Variants in SAMSN1 observed in about 807,000 individuals in gnomAD.
SAMSN1 encodes SAM domain, SH3 domain and nuclear localization signals 1.
SAMSN1 carries 31 observed loss-of-function variants against 42.0 expected under a neutral mutation model. The ratio of observed to expected loss-of-function variants is 0.74; its 90% CI spans 0.55 to 1.00. SAMSN1 has a LOEUF of 1.00. Among genes scored for constraint, SAMSN1 ranks in the 50% least tolerant of loss-of-function variants. The pLI, the probability that SAMSN1 is intolerant of heterozygous loss-of-function variation, is 0.00. For missense variants in SAMSN1, 464 were observed against 439.4 expected, an observed-to-expected ratio of 1.06 and a Z score of -0.50; for synonymous variants, 178 against 151.9, an observed-to-expected ratio of 1.17 and a Z score of -1.26.
At chr21:14,645,467 C>G (rs564093469) in intron 1 of SAMSN1, among the ~76,000 whole-genome samples, 3 of 152,236 alleles carry the variant, frequency 2.0e-5, no homozygotes, top group Non-Finnish European at 4.4e-5. Flanking sequence ...CTTGGGATAT[C>G]CCCTAAAGCA....
intron 1 of SAMSN1, among the ~76,000 whole-genome samples, chr21:14,531,572 T>G (rs1377334721): frequency 6.6e-6 from 1 of 152,092 alleles, no homozygotes; most frequent in Non-Finnish European, 1.5e-5. Context: ...GCCCCAAAAC[T>G]TTTAAACATA....
At chr21:14,564,706 C>T (rs1568810505) in intron 2 of SAMSN1, among the ~76,000 whole-genome samples, 1 of 152,188 alleles carries the variant, frequency 6.6e-6, no homozygotes, top group Non-Finnish European at 1.5e-5. Context: ...TATCCTATCC[C>T]TCCTTCTCTT....
intron 5 of SAMSN1, among the ~76,000 whole-genome samples, chr21:14,508,972 A>G (rs1987550375): frequency 6.6e-6 from 1 of 152,022 alleles, no homozygotes; most frequent in Non-Finnish European, 1.5e-5. Context: ...TACTAAAAAT[A>G]CAAAAATTAG....
At chr21:14,566,436 C>T (rs1981119168) in intron 2 of SAMSN1, among the ~76,000 whole-genome samples, 1 of 152,090 alleles carries the variant, frequency 6.6e-6, no homozygotes, top group Admixed American at 6.6e-5. Context: ...TCATATAAGA[C>T]TACCACCATA....
chr21:14,600,527 G>T (rs938204936), intron 6 of SAMSN1, among the ~76,000 whole-genome samples: 12 of 152,124 alleles, frequency 7.9e-5, no homozygotes, highest in African/African-American at 2.9e-4. Flanking sequence ...TTACCATTTG[G>T]AAGCACCATT....
At chr21:14,506,509 C>T (rs56229422) in intron 5 of SAMSN1, among the ~76,000 whole-genome samples, 160 of 152,082 alleles carry the variant, frequency 1.1e-3, no homozygotes, top group Non-Finnish European at 2.0e-3. Flanking sequence ...ATTAGATACC[C>T]GGAATAGACC....
At chr21:14,650,336 T>A (rs1568843708) in intron 1 of SAMSN1, among the ~76,000 whole-genome samples, 1 of 152,128 alleles carries the variant, frequency 6.6e-6, no homozygotes, top group Non-Finnish European at 1.5e-5. Flanking sequence ...ATATCAAGCA[T>A]CTTCTCTTAC....
intron 2 of SAMSN1, among the ~76,000 whole-genome samples, chr21:14,636,430 AACAGG>A (rs544652095): frequency 1.2e-3 from 181 of 152,176 alleles, no homozygotes; most frequent in African/African-American, 4.1e-3. Flanking sequence ...GAGACCAAAA[AACAGG>A]ACTACTACTT....
At chr21:14,492,653 G>A (rs1986742675) in intron 7 of SAMSN1, among the ~76,000 whole-genome samples, 1 of 152,122 alleles carries the variant, frequency 6.6e-6, no homozygotes, top group Non-Finnish European at 1.5e-5. Flanking sequence ...AAAAATCTGT[G>A]AACACTTTTC....
chr21:14,606,248 A>G (rs1376486825), intron 5 of SAMSN1, among the ~76,000 whole-genome samples: 1 of 152,176 alleles, frequency 6.6e-6, no homozygotes, highest in East Asian at 1.9e-4. Context: ...TTCCCTTACT[A>G]ACATATGCCA....
intron 1 of SAMSN1, among the ~76,000 whole-genome samples, chr21:14,658,436 C>A (rs1471694351): frequency 1.3e-5 from 2 of 151,828 alleles, no homozygotes; most frequent in Non-Finnish European, 2.9e-5. Flanking sequence ...AAAATTTTGT[C>A]TCATAACAAA....
intron 1 of SAMSN1, among the ~76,000 whole-genome samples, chr21:14,643,474 A>T (rs1179836880): frequency 6.6e-6 from 1 of 152,214 alleles, no homozygotes; most frequent in Admixed American, 6.5e-5. Context: ...TGAGACACCA[A>T]TAAACTGTGT....
At chr21:14,592,200 A>G (rs1377959960) in intron 7 of SAMSN1, 1 of 152,224 alleles carries the variant, frequency 6.6e-6, no homozygotes, top group African/African-American at 2.4e-5. Flanking sequence ...AGAACTACTC[A>G]TAAGAACATT....
chr21:14,600,426 C>T (rs1384980302), intron 6 of SAMSN1, among the ~76,000 whole-genome samples: 4 of 152,108 alleles, frequency 2.6e-5, no homozygotes, highest in Admixed American at 6.6e-5. Context: ...TCCCAAACGA[C>T]GATTTTTAGA....
chr21:14,622,049 C>A (rs1054962482), intron 2 of SAMSN1, among the ~76,000 whole-genome samples: 1 of 152,228 alleles, frequency 6.6e-6, no homozygotes, highest in Non-Finnish European at 1.5e-5. Context: ...ACCAACATAC[C>A]TGCAGCTGAG....
chr21:14,590,563 G>A (rs564229604), intron 7 of SAMSN1, among the ~76,000 whole-genome samples: 5 of 150,816 alleles, frequency 3.3e-5, no homozygotes, highest in African/African-American at 7.3e-5. Flanking sequence ...AATTACAGGC[G>A]TGAGCCATCA....
At chr21:14,655,195 T>A (rs1983896756) in intron 1 of SAMSN1, among the ~76,000 whole-genome samples, 1 of 151,756 alleles carries the variant, frequency 6.6e-6, no homozygotes, top group Admixed American at 6.6e-5. Flanking sequence ...TTATATTAAA[T>A]AATCAAAAAT....
intron 4 of SAMSN1, among the ~76,000 whole-genome samples, chr21:14,511,115 T>G (rs902212386): frequency 2.0e-5 from 3 of 152,174 alleles, no homozygotes; most frequent in Non-Finnish European, 2.9e-5. Flanking sequence ...CAGTCACCAC[T>G]TCACATCTTC....
chr21:14,498,346 T>A, intron 7 of SAMSN1, 96 bp downstream of exon 7: 3 of 1,036,610 alleles, frequency 2.9e-6, no homozygotes, highest in Non-Finnish European at 4.2e-6. Flanking sequence ...GCTTTCATGA[T>A]CTCAGTAAAT....
Sources: gnomAD v4.1 joint callset for allele counts (sites outside exome capture counted in the v4.1 genomes callset) on GRCh38, gnomAD v4.1.1 for gene constraint, MANE v1.5 for transcripts, NCBI Gene and HGNC (gene_info 2026-07-23, HGNC 2026-07-21) for gene names.